The following WDFY4 variants were observed in gnomAD, a reference collection of about 807,000 sequenced individuals.
WDFY4 encodes the protein WD repeat- and FYVE domain-containing protein 4.
In WDFY4, 169 loss-of-function variants were observed where a neutral mutation model predicts 351.9. The ratio of observed to expected loss-of-function variants is 0.48; its 90% confidence interval spans 0.42 to 0.55. WDFY4 has a LOEUF of 0.55. WDFY4 is among the 20% of genes least tolerant of loss of function. The pLI is 0.00. For synonymous variants in WDFY4, 1,622 were observed against 1,574.6 expected, an observed-to-expected ratio of 1.03 and a Z score of -0.71; for missense variants, 3,803 against 3,935.6, an observed-to-expected ratio of 0.97 and a Z score of 0.90.
rs1232613829 is a variant in WDFY4, at chr10:48,881,396, G to A, written c.7167+4197G>A. On this transcript the variant is annotated intron_variant, in intron 43 of 61. Transcript: ENST00000325239. ...GATGGGAAACTCTGGGGGTCTCCAT[G>A]GGTCTGGTTGTCCTGCCGAGATGGT... Among the ~76,000 whole-genome samples, 3 of 152,314 alleles carry A rather than the reference G, an allele frequency of 2.0e-5. No individual in the cohort carries two copies. In the East Asian group the frequency reaches 5.8e-4, roughly 29 times the overall value.
At position 48,982,674 on chromosome 10, in the gene WDFY4, G is replaced by T. The variant is rs778740671; in HGVS notation, c.*99G>T. ...TCTGCCTACAGAAGAAACCCCCAGG[G>T]CCTCCTTCCCCACAGTTCTCAAGGA... On this transcript the variant is annotated 3_prime_UTR_variant, in exon 62 of 62. Coordinates refer to ENST00000325239, the MANE Select transcript of WDFY4 (RefSeq NM_001394531.1). 1 of 1,244,978 alleles carries T rather than the reference G, an allele frequency of 8.0e-7. No individual in the cohort carries two copies. The highest frequency in any genetic ancestry group is 1.5e-5 in the African/African-American group (1 of 66,546). The allele number at this position is 1,244,978 out of a possible 1,614,324, so 77.1% of individuals were successfully genotyped here.
intron 11 of WDFY4, among the ~76,000 whole-genome samples, chr10:48,738,088 A>C (rs935011552): frequency 6.6e-6 from 1 of 152,208 alleles, no homozygotes; most frequent in African/African-American, 2.4e-5. Flanking sequence ...GCATGTCCTA[A>C]CCAGTCAGGC....
chr10:48,731,188 T>A lies in WDFY4; in HGVS notation c.1208T>A (p.Ile403Lys). ...AAAGCCAGTGACTCTGTCCTCTGCA[T>A]ACAAGTCTTGTCAGTCATCAGGACC... Reference protein sequence around the residue: ...FHKASDSVLCIQVLSVIRTMW... With the variant: ...FHKASDSVLCKQVLSVIRTMW... The change falls in exon 9 of 62, where the codon ATA (isoleucine) becomes AAA (lysine). Residue 403 changes from isoleucine (I) to lysine (K), a missense_variant. Around this residue, in one of 3 missense-constraint regions of WDFY4, gnomAD observed 261 missense variants for 330.2 expected, o/e 0.79. Coordinates refer to ENST00000325239, the MANE Select transcript of WDFY4 (RefSeq NM_001394531.1). 1 of 1,551,816 alleles carries A rather than the reference T, an allele frequency of 6.4e-7. No homozygotes were observed. Among genetic ancestry groups the A allele is most frequent in the Non-Finnish European group, 8.7e-7 (1 of 1,147,016 alleles).
chr10:48,940,468 T>A (rs1008414485), intron 47 of WDFY4, among the ~76,000 whole-genome samples: 5 of 152,134 alleles, frequency 3.3e-5, no homozygotes, highest in African/African-American at 1.2e-4. Context: ...GATGTGACGG[T>A]GGGGCTATGA....
chr10:48,958,852 G>A (rs867684765), intron 52 of WDFY4, among the ~76,000 whole-genome samples: 1 of 152,152 alleles, frequency 6.6e-6, no homozygotes, highest in Non-Finnish European at 1.5e-5. Flanking sequence ...GGTGGCAGGT[G>A]AGCTGAGATG....
chr10:48,910,361 T>C, intron 47 of WDFY4: 6 of 987,878 alleles, frequency 6.1e-6, no homozygotes, highest in Non-Finnish European at 8.2e-6. Flanking sequence ...ATGCCTGACC[T>C]TCAGGATGGT....
At chr10:48,870,798 G>A (rs1267549365) in intron 40 of WDFY4, among the ~76,000 whole-genome samples, 1 of 152,126 alleles carries the variant, frequency 6.6e-6, no homozygotes, top group Non-Finnish European at 1.5e-5. Context: ...TGCTATCATG[G>A]ACTAAATAAT....
chr10:48,825,081 T>G (rs1324305639), intron 35 of WDFY4, among the ~76,000 whole-genome samples: 2 of 152,194 alleles, frequency 1.3e-5, no homozygotes, highest in Admixed American at 6.5e-5. Context: ...CCAGCATGAA[T>G]TAGCCATTTT....
chr10:48,839,394 A>G (rs1011534674), intron 39 of WDFY4, among the ~76,000 whole-genome samples: 3 of 152,266 alleles, frequency 2.0e-5, no homozygotes, highest in Non-Finnish European at 4.4e-5. Flanking sequence ...TAGATTCAAC[A>G]TAATGTTCGT....
chr10:48,863,393 GT>G (rs926588800), intron 39 of WDFY4, among the ~76,000 whole-genome samples: 1 of 152,028 alleles, frequency 6.6e-6, no homozygotes, highest in African/African-American at 2.4e-5. Flanking sequence ...ATCCTACTTG[GT>G]TGGCTGTATC....
At chr10:48,729,664 T>G (rs905654711) in intron 8 of WDFY4, 75 bp downstream of exon 8, 1 of 1,492,408 alleles carries the variant, frequency 6.7e-7, no homozygotes, top group Non-Finnish European at 9.0e-7. Flanking sequence ...GGTCTTCTCC[T>G]GATTCTTTGT....
intron 19 of WDFY4, among the ~76,000 whole-genome samples, chr10:48,780,753 G>A (rs2066193309): frequency 1.3e-5 from 2 of 152,204 alleles, no homozygotes; most frequent in Non-Finnish European, 2.9e-5. Context: ...GAGGACCATA[G>A]AAGGCAGGTA....
chr10:48,915,849 C>T (rs1838477837), intron 47 of WDFY4, among the ~76,000 whole-genome samples: 1 of 152,156 alleles, frequency 6.6e-6, no homozygotes, highest in Non-Finnish European at 1.5e-5. Context: ...TGTAAGCTGA[C>T]CCTAGTCTTT....
intron 47 of WDFY4, chr10:48,910,363 C>T (rs1381098840): frequency 1.1e-6 from 1 of 947,384 alleles, no homozygotes; most frequent in Admixed American, 1.7e-5. Context: ...GCCTGACCTT[C>T]AGGATGGTCA....
chr10:48,693,069 G>A (rs2063238200), intron 1 of WDFY4, among the ~76,000 whole-genome samples: 1 of 152,168 alleles, frequency 6.6e-6, no homozygotes, highest in Non-Finnish European at 1.5e-5. Flanking sequence ...AGGCAGAGGG[G>A]TTATGGTGTG....
At chr10:48,954,307 A>G (rs1389336981) in intron 51 of WDFY4, among the ~76,000 whole-genome samples, 1 of 152,202 alleles carries the variant, frequency 6.6e-6, no homozygotes, top group East Asian at 1.9e-4. Flanking sequence ...GTCACATGGG[A>G]AAACCTTCTG....
At chr10:48,689,648 G>A (rs911787824) in intron 1 of WDFY4, among the ~76,000 whole-genome samples, 1 of 152,098 alleles carries the variant, frequency 6.6e-6, no homozygotes, top group Non-Finnish European at 1.5e-5. Context: ...ATTTCTATTG[G>A]ACAGCAGCCT....
chr10:48,765,059 G>T (rs966793802), intron 13 of WDFY4, among the ~76,000 whole-genome samples: 1 of 152,194 alleles, frequency 6.6e-6, no homozygotes, highest in Non-Finnish European at 1.5e-5. Flanking sequence ...AGTTAAGCTG[G>T]GCTAGAATAG....
At chr10:48,764,385 T>G (rs1325096718) in intron 13 of WDFY4, among the ~76,000 whole-genome samples, 1 of 152,240 alleles carries the variant, frequency 6.6e-6, no homozygotes, top group African/African-American at 2.4e-5. Context: ...GTGGGATTTT[T>G]ACTATGCACA....
Sources: allele counts gnomAD v4.1 joint callset (sites outside exome capture counted in the v4.1 genomes callset), GRCh38; gene constraint gnomAD v4.1.1; regional missense constraint gnomAD v4.1.1; transcripts MANE v1.5; gene names NCBI Gene and HGNC (gene_info 2026-07-23, HGNC 2026-07-21).